Variants in SAMD9L observed in about 807,000 individuals in gnomAD.
SAMD9L encodes the protein sterile alpha motif domain containing 9 like, also known as sterile alpha motif domain-containing protein 9-like.
Under a neutral mutation model 90.7 loss-of-function variants are expected in SAMD9L, and 68 were observed. The ratio of observed to expected loss-of-function variants is 0.75; its 90% CI spans 0.62 to 0.92. The LOEUF (loss-of-function observed/expected upper bound fraction) is 0.92, where lower values mean the gene tolerates loss of function less well. SAMD9L is among the 40% of genes least tolerant of loss of function. The probability of loss-of-function intolerance (pLI) is 0.00; values close to 1 mark genes in which losing one functional copy is unlikely to be tolerated. For synonymous variants in SAMD9L, 640 were observed against 630.1 expected (o/e 1.02, Z -0.23); for missense variants, 1,604 against 1,824.3 (o/e 0.88, Z 2.20).
At position 93,138,794 on chromosome 7, in the gene SAMD9L, G is replaced by T. The variant is rs895932051; in HGVS notation, c.-20-2803C>A. ...CAGGGCAGATGGAGCTTGGGAGCCC[G>T]GTAGGCTCATCCCTGATATTCCCAT... On this transcript the variant is annotated intron_variant, in intron 4 of 4. Coordinates refer to ENST00000318238, the MANE Select transcript of SAMD9L (RefSeq NM_152703.5). 4.0e-5 allele frequency among the ~76,000 whole-genome samples: 5 copies of T among 123,618 alleles called. No individual in the cohort carries two copies. The Admixed American group carries it at 4.3e-4, about 11-fold the overall frequency. 81.1% of individuals were successfully genotyped at this position (123,618 alleles called of 152,430 possible).
Position 93,134,463 on chromosome 7 carries a change from G to A in SAMD9L, c.1509C>T (p.Asp503=). ...GAGGTTTATATGTCTCGCTTTTCAGGTCTGATCTGCCGTTGCAGAAAATCC... is the reference window on the plus strand; with the variant it reads ...GAGGTTTATATGTCTCGCTTTTCAGATCTGATCTGCCGTTGCAGAAAATCC... ...PSWIFCNGRS[D]LKSETYKPLE... The change falls in exon 5 of 5, where the codon GAC becomes GAT. Residue 503 remains aspartate (D), a synonymous_variant. Transcript: ENST00000318238. 2 of 1,613,934 alleles carry A rather than the reference G, an allele frequency of 1.2e-6. No homozygotes were observed. Among genetic ancestry groups the A allele is most frequent in the Non-Finnish European group, 1.7e-6 (2 of 1,179,888 alleles).
chr7:93,132,561 C>T lies in SAMD9L; in HGVS notation c.3411G>A (p.Gly1137=), dbSNP rs755982340. 3.1e-6 allele frequency: 5 copies of T among 1,613,638 alleles called. No homozygotes were observed. Among genetic ancestry groups the T allele is most frequent in the Admixed American group, 1.7e-5 (1 of 59,954 alleles). ...CAGTAATGCTCCTACAGTTTTTGTT[C>T]CCATCCAACCACCATTTGATTTCAC... ...YKSEIKWWLD[G]NKNCRSITVN... The change falls in exon 5 of 5, where the codon GGG becomes GGA. Residue 1137 remains glycine (G), a synonymous_variant. Coordinates refer to ENST00000318238, the MANE Select transcript of SAMD9L (RefSeq NM_152703.5).
intron 2 of SAMD9L, among the ~76,000 whole-genome samples, chr7:93,146,613 A>G (rs1330622494): frequency 1.3e-5 from 2 of 152,192 alleles, no homozygotes; most frequent in Admixed American, 1.3e-4. Flanking sequence ...AAAGTAATGA[A>G]TATTTGAAAG....
rs1792025158 is a variant in SAMD9L, at chr7:93,130,138, C to G, written c.*1079G>C. ...TTCACTTTATAGGCAATGCGTAGTT[C>G]TTAAATTCCAAGCTCTAGAATGCTG... On this transcript the variant is annotated 3_prime_UTR_variant, in exon 5 of 5. Transcript: ENST00000318238. 1 of 152,130 alleles carries G rather than the reference C, an allele frequency of 6.6e-6. No homozygotes were observed. The highest frequency in any genetic ancestry group is 6.6e-5 in the Admixed American group (1 of 15,256). 9.4% of individuals were successfully genotyped at this position (152,130 alleles called of 1,614,324 possible).
In SAMD9L at chr7:93,133,968, G is replaced by A; in HGVS notation, c.2004C>T (p.Asp668=). 1 of 1,613,668 alleles carries A rather than the reference G, an allele frequency of 6.2e-7. No individual in the cohort carries two copies. Among genetic ancestry groups the A allele is most frequent in the South Asian group, 1.1e-5 (1 of 91,044 alleles). The part of the protein sequence containing the change: ...ILCENECTET[D]IEKDKSKFLE... ...GGAATTTAGATTTGTCTTTCTCGAT[G>A]TCTGTCTCTGTACACTCATTTTCAC... The change falls in exon 5 of 5, where the codon GAC becomes GAT. Residue 668 remains aspartate (D), a synonymous_variant. Coordinates refer to ENST00000318238, the MANE Select transcript of SAMD9L (RefSeq NM_152703.5).
intron 4 of SAMD9L, 123 bp downstream of exon 4, chr7:93,144,605 ACTGC>A (rs1792821991): frequency 6.6e-6 from 1 of 152,222 alleles, no homozygotes; most frequent in African/African-American, 2.4e-5. Context: ...TTTAGGATCT[ACTGC>A]CTAAGGACTA....
Position 93,134,292 on chromosome 7 carries a change from G to A in SAMD9L, c.1680C>T (p.Leu560=). 1 of 1,613,354 alleles carries A rather than the reference G, an allele frequency of 6.2e-7. No homozygotes were observed. Among genetic ancestry groups the A allele is most frequent in the Non-Finnish European group, 8.5e-7 (1 of 1,179,780 alleles). The change falls in exon 5 of 5, where the codon CTC becomes CTT. Residue 560 remains leucine (L), a synonymous_variant. Coordinates refer to ENST00000318238, the MANE Select transcript of SAMD9L (RefSeq NM_152703.5). ...LSSVESPGDP[L]IETFWAFYQA... ...GATAGAAAGCCCAGAAAGTTTCAAT[G>A]AGTGGATCTCCTGGGCTTTCCACTG...
rs1332641924 is a variant in SAMD9L at position 93,131,057 on chromosome 7, T to A, written c.*160A>T. 1.9e-5 allele frequency: 10 copies of A among 517,732 alleles called. No homozygotes were observed. The highest frequency in any genetic ancestry group is 9.3e-5 in the East Asian group (3 of 32,306). The allele number at this position is 517,732 out of a possible 1,614,324, so 32.1% of individuals were successfully genotyped here. ...GCCAAGCTCTGCGGGTAGGCATATTTCATATCTTAAAAAGGCTTGTAATTC... is the reference window on the plus strand; with the variant it reads ...GCCAAGCTCTGCGGGTAGGCATATTACATATCTTAAAAAGGCTTGTAATTC... On this transcript the variant is annotated 3_prime_UTR_variant, in exon 5 of 5. Coordinates refer to ENST00000318238, the MANE Select transcript of SAMD9L (RefSeq NM_152703.5).
At position 93,133,329 on chromosome 7, in the gene SAMD9L, C is replaced by T. The variant is rs1792231043; in HGVS notation, c.2643G>A (p.Lys881=). The T allele has an allele frequency of 6.2e-7, 1 of 1,612,850 alleles. No individual in the cohort carries two copies. Among genetic ancestry groups the T allele is most frequent in the Non-Finnish European group, 8.5e-7 (1 of 1,179,472 alleles). The part of the protein sequence containing the change: ...AKLKEIEKQH[K]NCENFYSFMI... ...TGAAGGAATAAAAGTTTTCACAGTT[C>T]TTGTGCTGCTTTTCAATTTCCTTCA... Residue 881 remains lysine, a synonymous_variant, in exon 5 of 5, where the codon AAG becomes AAA. Coordinates refer to ENST00000318238, the MANE Select transcript of SAMD9L (RefSeq NM_152703.5).
At chr7:93,143,315 G>A (rs1792766492) in intron 4 of SAMD9L, among the ~76,000 whole-genome samples, 1 of 152,010 alleles carries the variant, frequency 6.6e-6, no homozygotes, top group African/African-American at 2.4e-5. Context: ...ACCCTGACTG[G>A]AGTATACTGG....
Position 93,134,668 on chromosome 7 carries a change from A to T in SAMD9L, c.1304T>A (p.Leu435Ter), listed in dbSNP as rs750901760. Reference protein sequence around the residue: ...HPNQIKHLDFLKEIKWFAVLE... With the variant: ...HPNQIKHLDF ...CACAGCAAACCATTTAATTTCTTTT[A>T]AAAAATCTAAGTGCTTTATTTGGTT... The change falls in exon 5 of 5, where the codon TTA (leucine) becomes TAA (stop). Residue 435 changes from leucine to a stop codon, truncating the protein, a stop_gained. Coordinates refer to ENST00000318238, the MANE Select transcript of SAMD9L (RefSeq NM_152703.5). LOFTEE classifies it low-confidence loss of function (END_TRUNC). The T allele has an allele frequency of 6.2e-7, 1 of 1,613,866 alleles. No homozygotes were observed. Among genetic ancestry groups the T allele is most frequent in the Non-Finnish European group, 8.5e-7 (1 of 1,179,860 alleles).
rs1258720337 is a variant in SAMD9L at position 93,133,470 on chromosome 7, T to C, written c.2502A>G (p.Val834=). 2 of 1,612,350 alleles carry C rather than the reference T, an allele frequency of 1.2e-6. No individual in the cohort carries two copies. The highest frequency in any genetic ancestry group is 2.7e-5 in the African/African-American group (2 of 74,848). The change falls in exon 5 of 5, where the codon GTA becomes GTG. Residue 834 remains valine (V), a synonymous_variant. Transcript: ENST00000318238. ...EKDLRYEKTL[V]IILNCMRSRN... ...GGGATCTCATGCAGTTTAAGATAAT[T>C]ACCAATGTTTTTTCATATCGCAAAT...
At chr7:93,136,057 T>G (rs1412522297) in intron 4 of SAMD9L, 66 bp from the exon 5 acceptor site, 15 of 1,048,082 alleles carry the variant, frequency 1.4e-5, no homozygotes, top group African/African-American at 3.3e-5. Context: ...CATAGACAAT[T>G]ATGTATACAT....
rs1308599051 is a variant in SAMD9L, at chr7:93,132,470, T to C, written c.3502A>G (p.Arg1168Gly). The stretch of plus-strand genomic sequence containing the variant: ...TCATAGTTTTTACTATCAGTTTGCC[T>C]TTGGGATTCTTTGAAAGCTCTTGAG... The part of the protein sequence containing the change: ...KASRAFKESQ[R>G]QTDSKNYETE... Residue 1168 changes from arginine (R) to glycine (G), a missense_variant, in exon 5 of 5, where the codon AGG becomes GGG. By Grantham distance (125) the Arg-to-Gly change is moderately radical. Around this residue, in one of 7 missense-constraint regions of SAMD9L, gnomAD observed 302 missense variants for 314.7 expected, o/e 0.96. Coordinates refer to ENST00000318238, the MANE Select transcript of SAMD9L (RefSeq NM_152703.5). 5 of 1,613,600 alleles carry C rather than the reference T, an allele frequency of 3.1e-6. No homozygotes were observed. The highest frequency in any genetic ancestry group is 4.2e-6 in the Non-Finnish European group (5 of 1,179,786).
In SAMD9L at chr7:93,134,275, G is replaced by T. The variant is rs1426780112; in HGVS notation, c.1697C>A (p.Ala566Asp). Residue 566 changes from alanine (A) to aspartate (D), a missense_variant, in exon 5 of 5, where the codon GCT (alanine) becomes GAT (aspartate). Transcript: ENST00000318238. ...CATTCCTTTGAGAGCTTGATAGAAAGCCCAGAAAGTTTCAATGAGTGGATC... is the reference window on the plus strand; with the variant it reads ...CATTCCTTTGAGAGCTTGATAGAAATCCCAGAAAGTTTCAATGAGTGGATC... ...PGDPLIETFW[A>D]FYQALKGMEN... is the part of the protein sequence containing the mutation. The T allele has an allele frequency of 3.1e-6, 5 of 1,613,442 alleles. No homozygotes were observed. The highest frequency in any genetic ancestry group is 4.2e-6 in the Non-Finnish European group (5 of 1,179,828).
intron 1 of SAMD9L, among the ~76,000 whole-genome samples, 190 bp downstream of exon 1, chr7:93,148,004 C>A (rs1792958865): frequency 6.6e-6 from 1 of 152,178 alleles, no homozygotes; most frequent in Non-Finnish European, 1.5e-5. Context: ...AGAGCACTTA[C>A]AAAGTTATTA....
chr7:93,134,608 A>G lies in SAMD9L; in HGVS notation c.1364T>C (p.Val455Ala), dbSNP rs751090202. ...EFDPESMING[V>A]VKAYKESRVA... is the part of the protein sequence containing the mutation. ...CCGACTTTCTTTGTAAGCTTTGACC[A>G]CTCCATTGATCATAGATTCAGGATC... Residue 455 changes from valine to alanine, a missense_variant, in exon 5 of 5, where the codon GTG becomes GCG. Around this residue, in one of 7 missense-constraint regions of SAMD9L, gnomAD observed 606 missense variants for 717.6 expected, o/e 0.84. Coordinates refer to ENST00000318238, the MANE Select transcript of SAMD9L (RefSeq NM_152703.5). The G allele has an allele frequency of 1.9e-6, 3 of 1,613,750 alleles. No homozygotes were observed. Among genetic ancestry groups the G allele is most frequent in the Non-Finnish European group, 2.5e-6 (3 of 1,179,930 alleles).
rs1265655155 is a variant in SAMD9L at position 93,145,429 on chromosome 7, A to T, written c.-167T>A. On this transcript the variant is annotated 5_prime_UTR_variant, in exon 3 of 5. An upstream open reading frame in the 5' UTR gains an earlier in-frame stop. Transcript: ENST00000318238. Reference sequence around the variant, plus strand: ...TCTATCTTTATATTAGAAACATAAAATAAGTCTTCATGAGGCTGTTTGATC... The same window carrying T: ...TCTATCTTTATATTAGAAACATAAATTAAGTCTTCATGAGGCTGTTTGATC... 6.6e-6 allele frequency: 1 copy of T among 152,220 alleles called. No homozygotes were observed. Among genetic ancestry groups the T allele is most frequent in the Non-Finnish European group, 1.5e-5 (1 of 68,026 alleles). 9.4% of individuals were successfully genotyped at this position (152,220 alleles called of 1,614,324 possible).
rs1792705251 is a variant in SAMD9L at position 93,141,911 on chromosome 7, C to T, written c.-21+2821G>A. 3.3e-5 allele frequency among the ~76,000 whole-genome samples: 5 copies of T among 152,216 alleles called. No homozygotes were observed. In the South Asian group the frequency reaches 1.0e-3, roughly 31 times the overall value. ...AAAAGCCAAAGTCCTTAAATAAGGT[C>T]TGACATGATATGTCCACCCCACTGT... On this transcript the variant is annotated intron_variant, in intron 4 of 4. Coordinates refer to ENST00000318238, the MANE Select transcript of SAMD9L (RefSeq NM_152703.5).
Sources: allele counts gnomAD v4.1 joint callset (sites outside exome capture counted in the v4.1 genomes callset), GRCh38; gene constraint gnomAD v4.1.1; regional missense constraint gnomAD v4.1.1; transcripts MANE v1.5; gene names NCBI Gene and HGNC (gene_info 2026-07-23, HGNC 2026-07-21).